The following SPACA7 variants were observed in gnomAD, a reference collection of about 807,000 sequenced individuals.
SPACA7 encodes sperm acrosome associated 7, also known as sperm acrosome-associated protein 7.
A neutral mutation model predicts 26.3 loss-of-function variants in SPACA7; 19 were observed. The ratio of observed to expected loss-of-function variants is 0.72; its 90% CI spans 0.50 to 1.06. SPACA7 has a LOEUF of 1.06. Among genes scored for constraint, SPACA7 ranks in the 50% least tolerant of loss-of-function variants. The pLI is 0.00. For missense variants in SPACA7, 211 were observed against 229.9 expected, an observed-to-expected ratio of 0.92 and a Z score of 0.53; for synonymous variants, 84 against 84.5, an observed-to-expected ratio of 0.99 and a Z score of 0.04.
rs755566496 is a variant in SPACA7, at chr13:112,376,372, C to A, written c.-14C>A. ...CAACCTTCAGAACGTCCTTCTCCCTCAGCTGGAGGGAGCATGGCAGTGAGC... is the reference window on the plus strand; with the variant it reads ...CAACCTTCAGAACGTCCTTCTCCCTAAGCTGGAGGGAGCATGGCAGTGAGC... On this transcript the variant is annotated 5_prime_UTR_variant, in exon 1 of 7. Transcript: ENST00000283550. The A allele has an allele frequency of 2.5e-6, 4 of 1,611,446 alleles. No individual in the cohort carries two copies. The East Asian group carries it at 8.9e-5, about 36-fold the overall frequency.
intron 3 of SPACA7, 47 bp from the exon 4 acceptor site, chr13:112,399,019 T>G: frequency 6.1e-6 from 7 of 1,152,480 alleles, no homozygotes; most frequent in Non-Finnish European, 9.1e-6. Context: ...TATACCTGTG[T>G]AATCAAGAAA....
At chr13:112,434,323 C>T (rs567608088) in intron 6 of SPACA7, among the ~76,000 whole-genome samples, 162 bp from the exon 7 acceptor site, 2 of 152,306 alleles carry the variant, frequency 1.3e-5, no homozygotes, top group African/African-American at 4.8e-5. Flanking sequence ...CCAGTGCCCC[C>T]CTCCCGGTCC....
intron 1 of SPACA7, among the ~76,000 whole-genome samples, chr13:112,391,080 C>A (rs1227089225): frequency 6.6e-6 from 1 of 152,142 alleles, no homozygotes; most frequent in Non-Finnish European, 1.5e-5. Flanking sequence ...TTCTTGTTTT[C>A]CAGAGCTGGC....
intron 2 of SPACA7, among the ~76,000 whole-genome samples, chr13:112,395,406 G>A (rs931659768): frequency 1.6e-4 from 24 of 152,224 alleles, no homozygotes; most frequent in African/African-American, 5.8e-4. Flanking sequence ...CTTCCTGCAG[G>A]TCTTACTGCG....
At chr13:112,391,867 G>A (rs891665672) in intron 1 of SPACA7, among the ~76,000 whole-genome samples, 4 of 152,202 alleles carry the variant, frequency 2.6e-5, no homozygotes, top group East Asian at 1.9e-4. Context: ...TTCGTTTACC[G>A]AAGGTCAGCA....
At chr13:112,386,462 T>G (rs115673602) in intron 1 of SPACA7, among the ~76,000 whole-genome samples, 4,469 of 152,036 alleles carry the variant, frequency 0.029, 235 homozygotes, top group African/African-American at 0.1. Context: ...ATTCCTGGGG[T>G]TTCATGAGGA....
At chr13:112,402,089 T>G (rs969613655) in intron 5 of SPACA7, among the ~76,000 whole-genome samples, 2 of 152,224 alleles carry the variant, frequency 1.3e-5, no homozygotes, top group African/African-American at 4.8e-5. Context: ...TGAGTTTATG[T>G]TTTTATTGGG....
chr13:112,401,651 T>C (rs1885650945), intron 5 of SPACA7, among the ~76,000 whole-genome samples: 1 of 152,246 alleles, frequency 6.6e-6, no homozygotes, highest in South Asian at 2.1e-4. Context: ...TTTGACTTTC[T>C]GAGTTAGAAA....
chr13:112,396,589 C>T (rs1214703934), intron 2 of SPACA7, among the ~76,000 whole-genome samples: 1 of 152,202 alleles, frequency 6.6e-6, no homozygotes, highest in Non-Finnish European at 1.5e-5. Flanking sequence ...AAATGCTTGC[C>T]ATTCAAATGC....
chr13:112,432,279 C>T (rs888821485), intron 5 of SPACA7, among the ~76,000 whole-genome samples, 165 bp from the exon 6 acceptor site: 5 of 152,222 alleles, frequency 3.3e-5, no homozygotes, highest in Admixed American at 6.5e-5. Flanking sequence ...TTGATGGCCT[C>T]GCCTGAGGCT....
intron 1 of SPACA7, chr13:112,382,279 G>C: frequency 1.5e-6 from 1 of 646,124 alleles, no homozygotes; most frequent in Non-Finnish European, 2.5e-6. Flanking sequence ...TTTTGACAGA[G>C]TCTCACTCTG....
intron 1 of SPACA7, among the ~76,000 whole-genome samples, chr13:112,378,439 A>G (rs1382420016): frequency 6.6e-6 from 1 of 152,202 alleles, no homozygotes. Context: ...CACATCTTAC[A>G]AGATTTGGTC....
intron 1 of SPACA7, among the ~76,000 whole-genome samples, chr13:112,383,098 GAAGAAAGAA>G (rs1358320673): frequency 1.6e-4 from 6 of 37,352 alleles, no homozygotes; most frequent in African/African-American, 5.0e-4. Flanking sequence ...AAGAAAGAAA[GAAGAAAGAA>G]AAGAAAAGAA....
At chr13:112,398,979 T>C (rs1885461577) in intron 3 of SPACA7, 87 bp from the exon 4 acceptor site, 1 of 778,466 alleles carries the variant, frequency 1.3e-6, no homozygotes, top group African/African-American at 1.8e-5. Context: ...CAACCTTATA[T>C]TGTAAAATAA....
At chr13:112,412,486 T>C (rs1886413390) in intron 5 of SPACA7, among the ~76,000 whole-genome samples, 1 of 152,180 alleles carries the variant, frequency 6.6e-6, no homozygotes, top group Non-Finnish European at 1.5e-5. Flanking sequence ...ATTTTTGCTT[T>C]TGTTGCCTGT....
At chr13:112,380,920 A>G (rs1202724849) in intron 1 of SPACA7, among the ~76,000 whole-genome samples, 1 of 152,224 alleles carries the variant, frequency 6.6e-6, no homozygotes, top group African/African-American at 2.4e-5. Flanking sequence ...GCATTCTGTA[A>G]CAAAGTAGCA....
chr13:112,419,416 G>T (rs542039340), intron 5 of SPACA7, among the ~76,000 whole-genome samples: 12 of 152,340 alleles, frequency 7.9e-5, no homozygotes, highest in African/African-American at 2.9e-4. Context: ...ACAGAGGCAT[G>T]TAGGGAATGA....
chr13:112,412,805 C>T (rs1294423364), intron 5 of SPACA7, among the ~76,000 whole-genome samples: 3 of 152,062 alleles, frequency 2.0e-5, no homozygotes, highest in African/African-American at 7.2e-5. Context: ...ATTCTGTCTC[C>T]TTGGTCTATG....
At chr13:112,418,217 A>G (rs1109306) in intron 5 of SPACA7, among the ~76,000 whole-genome samples, 39,363 of 152,122 alleles carry the variant, frequency 0.26, 5,482 homozygotes, top group South Asian at 0.38. Flanking sequence ...GGAAATCTTC[A>G]GGGCTAGAAA....
Sources: allele counts gnomAD v4.1 joint callset (sites outside exome capture counted in the v4.1 genomes callset), GRCh38; gene constraint gnomAD v4.1.1; transcripts MANE v1.5; gene names NCBI Gene and HGNC (gene_info 2026-07-23, HGNC 2026-07-21).